Variants in TGFB2 observed in about 807,000 individuals in gnomAD.
TGFB2 encodes the protein transforming growth factor beta-2 proprotein.
In TGFB2, 13 loss-of-function variants were observed where a neutral mutation model predicts 42.7. The ratio of observed to expected loss-of-function variants is 0.30; its 90% CI spans 0.20 to 0.48. The LOEUF (loss-of-function observed/expected upper bound fraction) is 0.48. TGFB2 is among the 20% of genes least tolerant of loss of function. TGFB2 has a pLI of 0.99. For missense variants in TGFB2, 390 were observed against 517.5 expected, an observed-to-expected ratio of 0.75 and a Z score of 2.39; for synonymous variants, 193 against 193.6, an observed-to-expected ratio of 1.00 and a Z score of 0.03.
At chr1:218,409,775 G>A (rs1450612969) in intron 2 of TGFB2, among the ~76,000 whole-genome samples, 5 of 152,146 alleles carry the variant, frequency 3.3e-5, no homozygotes, top group Non-Finnish European at 7.4e-5. Flanking sequence ...TTTGATTACT[G>A]TACTACTTGA....
In TGFB2 at chr1:218,437,395, G is replaced by C. The variant is rs1348984007; in HGVS notation, c.985G>C (p.Asp329His). Residue 329 changes from aspartate to histidine, a missense_variant, in exon 6 of 7, where the codon GAT becomes CAT. Asp to His is a moderately conservative substitution (Grantham distance 81). Coordinates refer to ENST00000366930, the MANE Select transcript of TGFB2 (RefSeq NM_003238.6). ...TCCACTTTACATTGATTTCAAGAGG[G>C]ATCTAGGGTGGAAATGGATACACGA... ...LRPLYIDFKRDLGWKWIHEPK... is the reference protein window; with the variant it reads ...LRPLYIDFKRHLGWKWIHEPK... 1.2e-6 allele frequency: 2 copies of C among 1,612,928 alleles called. No homozygotes were observed. Among genetic ancestry groups the C allele is most frequent in the African/African-American group, 2.7e-5 (2 of 74,630 alleles).
At chr1:218,428,398 G>A (rs1315343234) in intron 2 of TGFB2, among the ~76,000 whole-genome samples, 1 of 152,194 alleles carries the variant, frequency 6.6e-6, no homozygotes, top group Non-Finnish European at 1.5e-5. Context: ...TTTTAGACAT[G>A]AAGTCCTTGC....
At position 218,412,457 on chromosome 1, in the gene TGFB2, T is replaced by C. The variant is rs906761931; in HGVS notation, c.510+7125T>C. ...TAGATTGAAACAGGAGTGGGTTTGGTTAATTGGTATGCATAGTATTACGTC... is the reference window on the plus strand; with the variant it reads ...TAGATTGAAACAGGAGTGGGTTTGGCTAATTGGTATGCATAGTATTACGTC... On this transcript the variant is annotated intron_variant, in intron 2 of 6. Transcript: ENST00000366930. Among the ~76,000 whole-genome samples the C allele has an allele frequency of 2.0e-5, 3 of 152,194 alleles. No individual in the cohort carries two copies. The South Asian group carries it at 6.2e-4, about 32-fold the overall frequency.
chr1:218,410,310 G>C (rs1321617478), intron 2 of TGFB2, among the ~76,000 whole-genome samples: 2 of 152,128 alleles, frequency 1.3e-5, no homozygotes, highest in African/African-American at 4.8e-5. Flanking sequence ...GAGCTGCGAA[G>C]GTCTATTGTT....
In TGFB2 at chr1:218,384,737, T is replaced by C. The variant is rs192092752; in HGVS notation, c.347-20432T>C. Among the ~76,000 whole-genome samples, 19 of 152,324 alleles carry C rather than the reference T, an allele frequency of 1.2e-4. No individual in the cohort carries two copies. In the East Asian group the frequency reaches 3.7e-3, roughly 29 times the overall value. On this transcript the variant is annotated intron_variant, in intron 1 of 6. Coordinates refer to ENST00000366930, the MANE Select transcript of TGFB2 (RefSeq NM_003238.6). ...CCTTAAACTCAGGGGCTATGGACAG[T>C]CCATTCACACCCCTAGAGTCTCACC...
chr1:218,405,635 T>A (rs953461131), intron 2 of TGFB2: 1 of 406,764 alleles, frequency 2.5e-6, no homozygotes, highest in East Asian at 5.3e-5. Context: ...TCAAAAAGTT[T>A]GGGGATTACA....
chr1:218,439,385 C>CA (rs1423624896), intron 6 of TGFB2, among the ~76,000 whole-genome samples: 1 of 151,858 alleles, frequency 6.6e-6, no homozygotes, highest in African/African-American at 2.4e-5. Flanking sequence ...GATCAGCTGC[C>CA]AAAAAAGATC....
At chr1:218,395,912 C>A (rs1658495051) in intron 1 of TGFB2, among the ~76,000 whole-genome samples, 1 of 152,148 alleles carries the variant, frequency 6.6e-6, no homozygotes, top group South Asian at 2.1e-4. Context: ...CCGCGCCAGG[C>A]CTTGATTTCT....
At chr1:218,378,470 C>G (rs1199516937) in intron 1 of TGFB2, among the ~76,000 whole-genome samples, 1 of 152,180 alleles carries the variant, frequency 6.6e-6, no homozygotes, top group Non-Finnish European at 1.5e-5. Context: ...AGCTACTGCA[C>G]CCGGCCATTT....
chr1:218,389,337 C>A (rs1658245413), intron 1 of TGFB2, among the ~76,000 whole-genome samples: 1 of 152,164 alleles, frequency 6.6e-6, no homozygotes, highest in Non-Finnish European at 1.5e-5. Context: ...AGCTAGGACA[C>A]AGGAGTGGGA....
intron 1 of TGFB2, among the ~76,000 whole-genome samples, chr1:218,403,336 G>A (rs1004658616): frequency 6.6e-6 from 1 of 152,158 alleles, no homozygotes; most frequent in Non-Finnish European, 1.5e-5. Context: ...CCGTGGGCCT[G>A]TGTGCTGAGA....
At chr1:218,348,282 G>C (rs2102529445) in intron 1 of TGFB2, among the ~76,000 whole-genome samples, 1 of 152,224 alleles carries the variant, frequency 6.6e-6, no homozygotes, top group Non-Finnish European at 1.5e-5. Context: ...CTTGCTGGCT[G>C]CCTTTGCAAA....
chr1:218,346,591 AAC>A lies in TGFB2; in HGVS notation c.-109_-108del. On this transcript the variant is annotated 5_prime_UTR_variant, in exon 1 of 7. Transcript: ENST00000366930. The surrounding 1 kb of genome is among the most constrained non-coding windows in gnomAD (Gnocchi z 4.9). ...TTTGCAAAAGTTTCGCATCAAAAAC[AAC>A]AACAACAAAAAACCAAACAACTCTC... The A allele has an allele frequency of 2.1e-5, 21 of 977,332 alleles. No individual in the cohort carries two copies. Among genetic ancestry groups the A allele is most frequent in the African/African-American group, 3.8e-5 (2 of 52,614 alleles). 60.5% of individuals were successfully genotyped at this position (977,332 alleles called of 1,614,324 possible).
intron 1 of TGFB2, among the ~76,000 whole-genome samples, chr1:218,361,326 A>G (rs563120614): frequency 1.3e-5 from 2 of 152,324 alleles, no homozygotes; most frequent in Non-Finnish European, 2.9e-5. Context: ...GAAAGAAAAG[A>G]AGGGATTTTA....
In TGFB2 at chr1:218,438,031, A is replaced by G. The variant is rs141253740; in HGVS notation, c.1086+535A>G. On this transcript the variant is annotated intron_variant, in intron 6 of 6. Transcript: ENST00000366930. The stretch of plus-strand genomic sequence containing the variant: ...GTTACTTTAAAATAGACAATAAATT[A>G]TTGTTAACTATAGTAACCCTACTGT... 2.0e-4 allele frequency among the ~76,000 whole-genome samples: 31 copies of G among 152,308 alleles called. No homozygotes were observed. In the East Asian group the frequency reaches 5.8e-3, roughly 28 times the overall value.
chr1:218,416,352 C>A (rs978354922), intron 2 of TGFB2, among the ~76,000 whole-genome samples: 1 of 151,914 alleles, frequency 6.6e-6, no homozygotes, highest in Non-Finnish European at 1.5e-5. Context: ...TCCTTTAGGG[C>A]AAAAGCTGTT....
chr1:218,405,505 C>A, intron 2 of TGFB2, 173 bp downstream of exon 2: 1 of 1,093,934 alleles, frequency 9.1e-7, no homozygotes, highest in Non-Finnish European at 1.4e-6. Flanking sequence ...AATGGGACTG[C>A]AGGAGTGCAC....
intron 2 of TGFB2, among the ~76,000 whole-genome samples, chr1:218,414,760 G>A (rs1447281795): frequency 6.6e-6 from 1 of 150,874 alleles, no homozygotes; most frequent in African/African-American, 2.4e-5. Context: ...TTTTCATAAT[G>A]TGACTCAGTA....
intron 2 of TGFB2, among the ~76,000 whole-genome samples, chr1:218,414,607 A>G (rs1659212968): frequency 6.6e-6 from 1 of 152,220 alleles, no homozygotes; most frequent in African/African-American, 2.4e-5. Context: ...TCATAAGGAA[A>G]CTGGATTGTT....
Sources: gnomAD v4.1 joint callset for allele counts (sites outside exome capture counted in the v4.1 genomes callset) on GRCh38, gnomAD v4.1.1 for gene constraint, Gnocchi (gnomAD v3.1) non-coding constraint, MANE v1.5 for transcripts, NCBI Gene and HGNC (gene_info 2026-07-23, HGNC 2026-07-21) for gene names.